PCDHA12: variants seen among roughly 807,000 people sequenced by gnomAD.
The protein encoded by PCDHA12 is protocadherin alpha-12.
In PCDHA12, 44 loss-of-function variants were observed where a neutral mutation model predicts 60.0. The ratio of observed to expected loss-of-function variants is 0.73; its 90% CI spans 0.58 to 0.94. The LOEUF (loss-of-function observed/expected upper bound fraction) is 0.94, where lower values mean the gene tolerates loss of function less well. Among genes scored for constraint, PCDHA12 ranks in the 40% least tolerant of loss-of-function variants. The probability of loss-of-function intolerance (pLI) is 0.00; values close to 1 mark genes in which losing one functional copy is unlikely to be tolerated. For synonymous variants in PCDHA12, 569 were observed against 553.0 expected, an observed-to-expected ratio of 1.03 and a Z score of -0.40; for missense variants, 1,276 against 1,239.7, an observed-to-expected ratio of 1.03 and a Z score of -0.44.
At chr5:140,953,228 G>C (rs2094861370) in intron 1 of PCDHA12, among the ~76,000 whole-genome samples, 2 of 152,124 alleles carry the variant, frequency 1.3e-5, no homozygotes, top group African/African-American at 4.8e-5. Context: ...CTTCTGCTTG[G>C]TAGCAGTTCA....
intron 3 of PCDHA12, among the ~76,000 whole-genome samples, chr5:141,001,404 T>A (rs965496882): frequency 1.3e-4 from 20 of 152,072 alleles, no homozygotes; most frequent in African/African-American, 4.8e-4. Context: ...GAACAGGGAG[T>A]ATATTTTTAC....
chr5:140,931,304 G>A (rs1218460625), intron 1 of PCDHA12, among the ~76,000 whole-genome samples: 13 of 152,056 alleles, frequency 8.5e-5, no homozygotes, highest in Non-Finnish European at 1.9e-4. Context: ...CAAAAAGAGA[G>A]GAGAATACCA....
At chr5:140,884,169 C>A in intron 1 of PCDHA12, 2 of 1,613,426 alleles carry the variant, frequency 1.2e-6, no homozygotes, top group South Asian at 1.1e-5. Flanking sequence ...ATCAGCACGA[C>A]GCGCCCTCTG....
At chr5:140,890,356 T>C (rs139351817) in intron 1 of PCDHA12, among the ~76,000 whole-genome samples, 50 of 152,308 alleles carry the variant, frequency 3.3e-4, no homozygotes, top group African/African-American at 1.2e-3. Context: ...TATATAGCAA[T>C]GGATAACCTG....
At chr5:140,963,693 A>G (rs782642148) in intron 1 of PCDHA12, among the ~76,000 whole-genome samples, 15 of 152,210 alleles carry the variant, frequency 9.9e-5, no homozygotes, top group Non-Finnish European at 2.2e-4. Context: ...TCCGTGTTTG[A>G]TATCTAAAGG....
chr5:140,949,529 T>C (rs2094389085), intron 1 of PCDHA12, among the ~76,000 whole-genome samples: 1 of 151,910 alleles, frequency 6.6e-6, no homozygotes, highest in South Asian at 2.1e-4. Flanking sequence ...TTTATCTTCA[T>C]AAAATATCGA....
Position 141,010,440 on chromosome 5 carries a change from A to G in PCDHA12, c.*503A>G, listed in dbSNP as rs1279403327. 3 of 984,540 alleles carry G rather than the reference A, an allele frequency of 3.0e-6. No individual in the cohort carries two copies. Among genetic ancestry groups the G allele is most frequent in the Admixed American group, 5.9e-5 (2 of 34,150 alleles). The allele number at this position is 984,540 out of a possible 1,614,324, so 61.0% of individuals were successfully genotyped here. On this transcript the variant is annotated 3_prime_UTR_variant, in exon 4 of 4. Transcript: ENST00000398631. The stretch of plus-strand genomic sequence containing the variant: ...CAAGGAAGGCAAGAAAACAAAGACA[A>G]ATAAACAGCGGAAGTTATCAGTATG...
chr5:140,889,063 A>G (rs1423499022), intron 1 of PCDHA12, among the ~76,000 whole-genome samples: 2 of 151,938 alleles, frequency 1.3e-5, no homozygotes, highest in Non-Finnish European at 2.9e-5. Context: ...CTTTTAATAT[A>G]CTACTTATTT....
intron 1 of PCDHA12, chr5:140,881,399 T>C (rs2058702396): frequency 1.0e-6 from 1 of 975,460 alleles, no homozygotes; most frequent in Non-Finnish European, 1.2e-6. Flanking sequence ...TTAAATTCTA[T>C]TAAATCAATA....
chr5:140,984,164 A>G (rs1471799520), intron 3 of PCDHA12, among the ~76,000 whole-genome samples: 1 of 152,208 alleles, frequency 6.6e-6, no homozygotes, highest in Non-Finnish European at 1.5e-5. Context: ...GAACTTCCCA[A>G]AGAAGCCACG....
At chr5:140,927,973 C>G (rs77078209) in intron 1 of PCDHA12, 1 of 1,614,216 alleles carries the variant, frequency 6.2e-7, no homozygotes, top group Non-Finnish European at 8.5e-7. Context: ...AGTGATTGCT[C>G]TCTTTAGTGT....
rs1377792748 is a variant in PCDHA12 at position 140,968,353 on chromosome 5, C to T, written c.2368-10596C>T. ...ATGTCTCCATTAACAGTGCCAGTGGCAGCCTTTATGCTGTCAACTCCTTTG... is the reference window on the plus strand; with the variant it reads ...ATGTCTCCATTAACAGTGCCAGTGGTAGCCTTTATGCTGTCAACTCCTTTG... On this transcript the variant is annotated intron_variant, in intron 1 of 3. Coordinates refer to ENST00000398631, the MANE Select transcript of PCDHA12 (RefSeq NM_018903.4). 1.9e-6 allele frequency: 3 copies of T among 1,613,988 alleles called. No individual in the cohort carries two copies. In the African/African-American group the frequency reaches 4.0e-5, roughly 22 times the overall value.
At chr5:140,919,406 T>C (rs1325443914) in intron 1 of PCDHA12, among the ~76,000 whole-genome samples, 1 of 152,254 alleles carries the variant, frequency 6.6e-6, no homozygotes, top group East Asian at 1.9e-4. Flanking sequence ...CTAAAAACTC[T>C]AGACTGACAA....
intron 3 of PCDHA12, chr5:140,989,066 C>T (rs2097328502): frequency 6.6e-6 from 1 of 152,200 alleles, no homozygotes; most frequent in South Asian, 2.1e-4. Flanking sequence ...TGAGGCAATA[C>T]AGTCTGGCCT....
Position 140,877,815 on chromosome 5 carries a change from A to T in PCDHA12, c.2343A>T (p.Glu781Asp), listed in dbSNP as rs782076422. The change falls in exon 1 of 4, where the codon GAA (glutamate) becomes GAT (aspartate). Residue 781 changes from glutamate to aspartate, a missense_variant. Glu to Asp is a conservative substitution (Grantham distance 45). Transcript: ENST00000398631. The stretch of plus-strand genomic sequence containing the variant: ...GCCCAAGCCTTCAGCTGTCTCGAGA[A>T]GATTGTTTAAATCCTCCCAGTGAAG... ...AFSPSLQLSR[E>D]DCLNPPSEPR... is the part of the protein sequence containing the mutation. 1.3e-5 allele frequency: 21 copies of T among 1,609,380 alleles called. No homozygotes were observed. Among genetic ancestry groups the T allele is most frequent in the Non-Finnish European group, 1.7e-5 (20 of 1,178,372 alleles).
At chr5:140,906,719 T>C (rs1282384270) in intron 1 of PCDHA12, among the ~76,000 whole-genome samples, 1 of 152,218 alleles carries the variant, frequency 6.6e-6, no homozygotes, top group East Asian at 1.9e-4. Flanking sequence ...GCCTGGATTG[T>C]GCTGTTGTAG....
intron 1 of PCDHA12, among the ~76,000 whole-genome samples, chr5:140,960,397 G>C (rs1322659184): frequency 6.6e-6 from 1 of 152,102 alleles, no homozygotes; most frequent in African/African-American, 2.4e-5. Flanking sequence ...AGGATGCAAG[G>C]GGGGGTGCCC....
At chr5:140,938,395 C>G (rs2092045479) in intron 1 of PCDHA12, among the ~76,000 whole-genome samples, 1 of 152,114 alleles carries the variant, frequency 6.6e-6, no homozygotes, top group African/African-American at 2.4e-5. Context: ...ATATGAAATA[C>G]ATTGTTTGAT....
chr5:140,883,213 A>G, intron 1 of PCDHA12: 1 of 1,614,090 alleles, frequency 6.2e-7, no homozygotes, highest in South Asian at 1.1e-5. Flanking sequence ...AAAAGAAATT[A>G]TATGAAATAT....
Sources: gnomAD v4.1 joint callset for allele counts (sites outside exome capture counted in the v4.1 genomes callset) on GRCh38, gnomAD v4.1.1 for gene constraint, MANE v1.5 for transcripts, NCBI Gene and HGNC (gene_info 2026-07-23, HGNC 2026-07-21) for gene names.